The following STK35 variants were observed in gnomAD, a reference collection of about 807,000 sequenced individuals.
The protein encoded by STK35 is serine/threonine-protein kinase 35.
Under a neutral mutation model 37.3 loss-of-function variants are expected in STK35, and 17 were observed. The observed-to-expected ratio is 0.46, with a 90% CI of 0.31 to 0.68. The LOEUF is 0.68. Among genes scored for constraint, STK35 ranks in the 30% least tolerant of loss-of-function variants. The pLI, the probability that STK35 is intolerant of heterozygous loss-of-function variation, is 0.05. For missense variants in STK35, 595 were observed against 746.7 expected (o/e 0.80, Z 2.37); for synonymous variants, 385 against 319.1 (o/e 1.21, Z -2.20).
chr20:2,134,784 G>A (rs1477701365), intron 3 of STK35, among the ~76,000 whole-genome samples: 4 of 152,098 alleles, frequency 2.6e-5, no homozygotes, highest in Admixed American at 6.5e-5. Context: ...CCAGCTACTC[G>A]GGAGGCTGAG....
chr20:2,109,491 A>G (rs1441018472), intron 2 of STK35, among the ~76,000 whole-genome samples: 3 of 152,236 alleles, frequency 2.0e-5, no homozygotes, highest in Non-Finnish European at 4.4e-5. Context: ...GTTGGTGTTT[A>G]TATAACTTGT....
intron 3 of STK35, among the ~76,000 whole-genome samples, chr20:2,138,330 C>G (rs1986119067): frequency 6.6e-6 from 1 of 152,128 alleles, no homozygotes; most frequent in African/African-American, 2.4e-5. Context: ...CCCTAAGAAC[C>G]AAAATGACCA....
Position 2,116,770 on chromosome 20 carries a change from G to A in STK35, c.997G>A (p.Asp333Asn), listed in dbSNP as rs761123198. 5 of 1,614,088 alleles carry A rather than the reference G, an allele frequency of 3.1e-6. No homozygotes were observed. In the African/African-American group the frequency reaches 6.7e-5, roughly 22 times the overall value. ...LNQYVLSRRP[D>N]PATNKSFMLQ... is the part of the protein sequence containing the mutation. ...TCAGTATGTCCTGTCCCGGAGGCCAGACCCAGCCACCAACAAAAGTTTCAT... is the reference window on the plus strand; with the variant it reads ...TCAGTATGTCCTGTCCCGGAGGCCAAACCCAGCCACCAACAAAAGTTTCAT... The change falls in exon 3 of 4, where the codon GAC (aspartate) becomes AAC (asparagine). Residue 333 changes from aspartate (D) to asparagine (N), a missense_variant. By Grantham distance (23) the Asp-to-Asn change is conservative. Coordinates refer to ENST00000381482, the MANE Select transcript of STK35 (RefSeq NM_080836.4).
chr20:2,125,412 A>T (rs557317553), intron 3 of STK35, among the ~76,000 whole-genome samples: 3 of 152,342 alleles, frequency 2.0e-5, no homozygotes, highest in Non-Finnish European at 2.9e-5. Context: ...TTTTCTGCAG[A>T]TAAGGAAGCA....
chr20:2,138,407 C>G (rs1600621828), intron 3 of STK35, among the ~76,000 whole-genome samples: 2 of 152,248 alleles, frequency 1.3e-5, no homozygotes, highest in East Asian at 3.9e-4. Flanking sequence ...CCATGACAGG[C>G]AATTTACTTG....
At chr20:2,142,393 T>G (rs1302419653) in intron 3 of STK35, among the ~76,000 whole-genome samples, 2 of 151,960 alleles carry the variant, frequency 1.3e-5, no homozygotes, top group Non-Finnish European at 2.9e-5. Context: ...CGAGCTGGTG[T>G]TGTCAGCCCG....
At chr20:2,131,314 A>G (rs1174010634) in intron 3 of STK35, among the ~76,000 whole-genome samples, 1 of 152,240 alleles carries the variant, frequency 6.6e-6, no homozygotes, top group Admixed American at 6.5e-5. Flanking sequence ...AAAATACGGC[A>G]TAAAAGGTAA....
intron 3 of STK35, among the ~76,000 whole-genome samples, chr20:2,142,188 A>G (rs1371639928): frequency 2.0e-5 from 3 of 152,154 alleles, no homozygotes; most frequent in Non-Finnish European, 4.4e-5. Context: ...TTGGCCAGGA[A>G]GGGGTAGAGT....
chr20:2,139,380 T>C (rs1489244939), intron 3 of STK35, among the ~76,000 whole-genome samples: 1 of 152,234 alleles, frequency 6.6e-6, no homozygotes, highest in Non-Finnish European at 1.5e-5. Context: ...ACTAGACCTG[T>C]GCACAGGCAC....
At chr20:2,115,074 A>G (rs1012557248) in intron 2 of STK35, among the ~76,000 whole-genome samples, 1 of 152,272 alleles carries the variant, frequency 6.6e-6, no homozygotes, top group African/African-American at 2.4e-5. Flanking sequence ...AACAAAAAAC[A>G]TCTGCCCTAA....
intron 2 of STK35, among the ~76,000 whole-genome samples, chr20:2,103,897 C>T (rs1313023145): frequency 2.0e-5 from 3 of 152,158 alleles, no homozygotes; most frequent in African/African-American, 7.2e-5. Flanking sequence ...CTGAGGCCCC[C>T]GGCCCTTCAT....
chr20:2,119,367 T>C (rs559423631), intron 3 of STK35, among the ~76,000 whole-genome samples: 1 of 152,196 alleles, frequency 6.6e-6, no homozygotes, highest in East Asian at 1.9e-4. Context: ...TAGACCAATT[T>C]GGGTTAATGA....
Position 2,108,720 on chromosome 20 carries a change from G to C in STK35, c.892+5355G>C, listed in dbSNP as rs527533685. On this transcript the variant is annotated intron_variant, in intron 2 of 3. Coordinates refer to ENST00000381482, the MANE Select transcript of STK35 (RefSeq NM_080836.4). ...TTTTTATGTGCATTGGGGATTTTAG[G>C]TACCAGCCCCAGGAGACAGAAGCAG... Among the ~76,000 whole-genome samples the C allele has an allele frequency of 3.9e-5, 6 of 152,234 alleles. No homozygotes were observed. In the East Asian group the frequency reaches 9.7e-4, roughly 24 times the overall value.
In STK35 at chr20:2,102,984, C is replaced by A. The variant is rs1985433901; in HGVS notation, c.511C>A (p.Arg171=). ...GAAGCTGAGGCCGGCGGCGGCGGCC[C>A]GGGCCATGGATCCGGTGGCGGCCGA... The part of the protein sequence containing the change: ...STKLRPAAAA[R]AMDPVAAEAP... Residue 171 remains arginine (R), a synonymous_variant, in exon 2 of 4, where the codon CGG becomes AGG. Transcript: ENST00000381482. 2 of 1,416,072 alleles carry A rather than the reference C, an allele frequency of 1.4e-6. No homozygotes were observed. Among genetic ancestry groups the A allele is most frequent in the Non-Finnish European group, 1.8e-6 (2 of 1,092,018 alleles). 87.7% of individuals were successfully genotyped at this position (1,416,072 alleles called of 1,614,324 possible).
intron 3 of STK35, among the ~76,000 whole-genome samples, chr20:2,129,119 G>A (rs1985955540): frequency 6.6e-6 from 1 of 152,172 alleles, no homozygotes; most frequent in African/African-American, 2.4e-5. Flanking sequence ...CACTGCACCA[G>A]GCCTCTAAGT....
chr20:2,116,542 G>T, intron 2 of STK35, 124 bp from the exon 3 acceptor site: 1 of 1,059,214 alleles, frequency 9.4e-7, no homozygotes, highest in Non-Finnish European at 1.4e-6. Context: ...TGCCAGTTGT[G>T]CAGGTCCCCT....
chr20:2,133,202 T>C (rs1281719849), intron 3 of STK35, among the ~76,000 whole-genome samples: 1 of 152,184 alleles, frequency 6.6e-6, no homozygotes. Context: ...ATCTTTCTTA[T>C]AACCACAAAT....
In STK35 at chr20:2,103,661, A is replaced by G. The variant is rs548504581; in HGVS notation, c.892+296A>G. 9.5e-4 allele frequency among the ~76,000 whole-genome samples: 145 copies of G among 152,306 alleles called. 1 individual carries two copies. The highest frequency in any genetic ancestry group is 3.4e-3 in the African/African-American group (143 of 41,572). On this transcript the variant is annotated intron_variant, in intron 2 of 3. Coordinates refer to ENST00000381482, the MANE Select transcript of STK35 (RefSeq NM_080836.4). ...GAGCTATGGTTATTAAACGTCTTCT[A>G]TTTTTAAGATCGGTTGGGGGAGTGG...
At chr20:2,133,058 A>T (rs1054479838) in intron 3 of STK35, among the ~76,000 whole-genome samples, 1 of 152,214 alleles carries the variant, frequency 6.6e-6, no homozygotes, top group East Asian at 1.9e-4. Flanking sequence ...TTGTGATAGC[A>T]TTCTTTCTCC....
Sources: gnomAD v4.1 joint callset for allele counts (sites outside exome capture counted in the v4.1 genomes callset) on GRCh38, gnomAD v4.1.1 for gene constraint, MANE v1.5 for transcripts, NCBI Gene and HGNC (gene_info 2026-07-23, HGNC 2026-07-21) for gene names.